Variants in IGF1R observed in about 807,000 individuals in gnomAD.
IGF1R encodes the protein insulin-like growth factor 1 receptor.
IGF1R carries 44 observed loss-of-function variants against 144.6 expected under a neutral mutation model. The ratio of observed to expected loss-of-function variants is 0.30; its 90% CI spans 0.24 to 0.39. The LOEUF (loss-of-function observed/expected upper bound fraction) is 0.39, where lower values mean the gene tolerates loss of function less well. IGF1R is among the 10% of genes least tolerant of loss of function. The probability of loss-of-function intolerance (pLI) is 1.00; values close to 1 mark genes in which losing one functional copy is unlikely to be tolerated. For synonymous variants in IGF1R, 795 were observed against 722.8 expected (o/e 1.10, Z -1.60); for missense variants, 1,355 against 1,833.7 (o/e 0.74, Z 4.77).
At position 98,664,959 on chromosome 15, in the gene IGF1R, AT is replaced by A. The variant is rs376830930; in HGVS notation, c.94+15301del. On this transcript the variant is annotated intron_variant, in intron 1 of 20. Coordinates refer to ENST00000650285, the MANE Select transcript of IGF1R (RefSeq NM_000875.5). The stretch of plus-strand genomic sequence containing the variant: ...GACTGCAGAATTAGGAACCAGCTTC[AT>A]TTTTTTTTTTTTTTTTGGATGGAAT... 2.8e-3 allele frequency among the ~76,000 whole-genome samples: 358 copies of A among 130,146 alleles called. 2 individuals carry two copies. Among genetic ancestry groups the A allele is most frequent in the African/African-American group, 5.1e-3 (178 of 35,166 alleles). 85.4% of individuals were successfully genotyped at this position (130,146 alleles called of 152,430 possible).
chr15:98,935,280 G>C lies in IGF1R; in HGVS notation c.3187-36G>C. The C allele has an allele frequency of 5.2e-6, 7 of 1,341,960 alleles. No homozygotes were observed. The highest frequency in any genetic ancestry group is 5.2e-6 in the Non-Finnish European group (5 of 966,044). The allele number at this position is 1,341,960 out of a possible 1,614,324, so 83.1% of individuals were successfully genotyped here. ...ACACAGGCATCAGCAAGGGCCACCT[G>C]ACCCTCTGAGTCTTTCTCTTTTTGA... On this transcript the variant is annotated intron_variant, in intron 16 of 20. Transcript: ENST00000650285. This position sits in a 1 kb window ranked among gnomAD's most constrained non-coding sequence, Gnocchi z 4.2.
intron 2 of IGF1R, among the ~76,000 whole-genome samples, chr15:98,884,552 G>A (rs1242811767): frequency 6.6e-6 from 1 of 151,920 alleles, no homozygotes; most frequent in Non-Finnish European, 1.5e-5. Flanking sequence ...AAATTAGCTG[G>A]GCATGGTGGC....
At chr15:98,678,974 T>C (rs1050643895) in intron 1 of IGF1R, among the ~76,000 whole-genome samples, 2 of 148,854 alleles carry the variant, frequency 1.3e-5, no homozygotes, top group Non-Finnish European at 3.0e-5. Context: ...CCAGATGGTG[T>C]ACAGTGGTGT....
intron 20 of IGF1R, among the ~76,000 whole-genome samples, chr15:98,950,419 G>A (rs928108532): frequency 6.6e-6 from 1 of 152,240 alleles, no homozygotes; most frequent in East Asian, 1.9e-4. Flanking sequence ...CAAGATGTCA[G>A]TGGGGCTGCA....
At chr15:98,654,422 C>G (rs1431981549) in intron 1 of IGF1R, among the ~76,000 whole-genome samples, 15 of 152,084 alleles carry the variant, frequency 9.9e-5, no homozygotes. Flanking sequence ...CAGAAGTTTT[C>G]TGGATTACAT....
At chr15:98,776,401 G>C (rs1015866922) in intron 2 of IGF1R, among the ~76,000 whole-genome samples, 1 of 151,996 alleles carries the variant, frequency 6.6e-6, no homozygotes, top group East Asian at 1.9e-4. Context: ...GGCCAGACTG[G>C]TCTTGAACTC....
At chr15:98,823,907 A>AG (rs2056845223) in intron 2 of IGF1R, among the ~76,000 whole-genome samples, 1 of 152,222 alleles carries the variant, frequency 6.6e-6, no homozygotes, top group African/African-American at 2.4e-5. Context: ...ATTCTGAGAG[A>AG]GAAAGAGGGG....
At chr15:98,729,249 T>C (rs569874966) in intron 2 of IGF1R, among the ~76,000 whole-genome samples, 2 of 152,168 alleles carry the variant, frequency 1.3e-5, no homozygotes, top group South Asian at 4.1e-4. Flanking sequence ...GAGCATTATA[T>C]GTACTCTGAT....
At chr15:98,871,281 G>A (rs1448393340) in intron 2 of IGF1R, among the ~76,000 whole-genome samples, 1 of 152,212 alleles carries the variant, frequency 6.6e-6, no homozygotes, top group East Asian at 1.9e-4. Context: ...TTGTTGAATA[G>A]AATTGTTTAG....
chr15:98,731,864 A>G (rs1264439649), intron 2 of IGF1R, among the ~76,000 whole-genome samples: 1 of 152,168 alleles, frequency 6.6e-6, no homozygotes, highest in African/African-American at 2.4e-5. Flanking sequence ...TGCCTGCAGT[A>G]GTGGTGGTTG....
chr15:98,808,804 C>T (rs1316852586), intron 2 of IGF1R, among the ~76,000 whole-genome samples: 12 of 152,094 alleles, frequency 7.9e-5, no homozygotes, highest in South Asian at 2.1e-4. Flanking sequence ...CTCAGCCTCC[C>T]GAGTAGCTAG....
At chr15:98,714,235 C>G (rs971301268) in intron 2 of IGF1R, among the ~76,000 whole-genome samples, 2 of 152,076 alleles carry the variant, frequency 1.3e-5, no homozygotes, top group African/African-American at 4.8e-5. Flanking sequence ...TTGTCAGCCA[C>G]TGCTCACAAG....
intron 20 of IGF1R, among the ~76,000 whole-genome samples, chr15:98,956,437 C>G (rs961574804): frequency 5.3e-5 from 8 of 152,254 alleles, no homozygotes; most frequent in Admixed American, 1.3e-4. Flanking sequence ...TTGTGCAGGG[C>G]TGGAGCGAGC....
rs368146752 is a variant in IGF1R, at chr15:98,962,628, C to T, written c.*5186C>T. The T allele has an allele frequency of 3.4e-4, 80 of 233,732 alleles. No homozygotes were observed. The highest frequency in any genetic ancestry group is 1.1e-3 in the African/African-American group (49 of 45,450). 14.5% of individuals were successfully genotyped at this position (233,732 alleles called of 1,614,324 possible). ...GAGTGCTCCTTGATGGTGGAATGAC[C>T]GGGTGGTGGGTACAGAACCATTGTC... On this transcript the variant is annotated 3_prime_UTR_variant, in exon 21 of 21. Transcript: ENST00000650285.
At chr15:98,682,283 A>G (rs1377959869) in intron 1 of IGF1R, among the ~76,000 whole-genome samples, 1 of 152,144 alleles carries the variant, frequency 6.6e-6, no homozygotes, top group Non-Finnish European at 1.5e-5. Context: ...CAGGAGAAAG[A>G]TGACTGTCCC....
At chr15:98,658,965 A>G (rs1247461073) in intron 1 of IGF1R, among the ~76,000 whole-genome samples, 1 of 152,242 alleles carries the variant, frequency 6.6e-6, no homozygotes, top group African/African-American at 2.4e-5. Context: ...ATTCATAGAA[A>G]TCAAATTCGT....
Position 98,753,244 on chromosome 15 carries a change from A to T in IGF1R, c.640+45137A>T, listed in dbSNP as rs569381766. On this transcript the variant is annotated intron_variant, in intron 2 of 20. Transcript: ENST00000650285. ...TTACGTCCAGCCTTTTTTTTTTTTT[A>T]AATAAAGAGGGTCTCAGGCTGGCGT... is the stretch of plus-strand genomic sequence containing the variant. Among the ~76,000 whole-genome samples, 1,043 of 122,682 alleles carry T rather than the reference A, an allele frequency of 8.5e-3. 16 individuals carry two copies. The highest frequency in any genetic ancestry group is 0.027 in the African/African-American group (980 of 35,772). 80.5% of individuals were successfully genotyped at this position (122,682 alleles called of 152,430 possible). A position where few individuals can be genotyped will look rare whatever the true frequency, so the allele number is the denominator to read the frequency against.
intron 2 of IGF1R, among the ~76,000 whole-genome samples, chr15:98,785,672 A>T (rs940858088): frequency 6.6e-6 from 1 of 152,110 alleles, no homozygotes; most frequent in Non-Finnish European, 1.5e-5. Context: ...ATTGAATTCG[A>T]TAGTGTTGGT....
At chr15:98,757,161 T>G (rs1228555527) in intron 2 of IGF1R, among the ~76,000 whole-genome samples, 2 of 152,182 alleles carry the variant, frequency 1.3e-5, no homozygotes, top group Admixed American at 1.3e-4. Context: ...ATGATGCACC[T>G]TTTATAATTT....
Sources: gnomAD v4.1 joint callset for allele counts (sites outside exome capture counted in the v4.1 genomes callset) on GRCh38, gnomAD v4.1.1 for gene constraint, Gnocchi (gnomAD v3.1) non-coding constraint, MANE v1.5 for transcripts, NCBI Gene and HGNC (gene_info 2026-07-23, HGNC 2026-07-21) for gene names.